Variants in TNFRSF21 observed in about 807,000 individuals in gnomAD.
TNFRSF21 encodes the protein tumor necrosis factor receptor superfamily member 21.
In TNFRSF21, 19 loss-of-function variants were observed where a neutral mutation model predicts 45.6. The ratio of observed to expected loss-of-function variants is 0.42; its 90% CI spans 0.29 to 0.61. The LOEUF (loss-of-function observed/expected upper bound fraction) is 0.61, where lower values mean the gene tolerates loss of function less well. TNFRSF21 is among the 20% of genes least tolerant of loss of function. The pLI, the probability that TNFRSF21 is intolerant of heterozygous loss-of-function variation, is 0.23. For missense variants in TNFRSF21, 737 were observed against 851.5 expected, an observed-to-expected ratio of 0.87 and a Z score of 1.67; for synonymous variants, 314 against 335.5, an observed-to-expected ratio of 0.94 and a Z score of 0.70.
In TNFRSF21 at chr6:47,279,649, A is replaced by AT. The variant is rs562786680; in HGVS notation, c.1243+4288dup. ...TGGACCCTCCCCCTCCACTTACCCCATTACATTGAGGTTATACAACAAAAA... is the reference window on the plus strand; with the variant it reads ...TGGACCCTCCCCCTCCACTTACCCCATTTACATTGAGGTTATACAACAAAAA... On this transcript the variant is annotated intron_variant, in intron 3 of 5. Coordinates refer to ENST00000296861, the MANE Select transcript of TNFRSF21 (RefSeq NM_014452.5). 4.3e-4 allele frequency among the ~76,000 whole-genome samples: 66 copies of AT among 152,304 alleles called. No individual in the cohort carries two copies. In the Middle Eastern group the frequency reaches 0.02, roughly 47 times the overall value.
At chr6:47,235,094 A>G (rs1236358873) in intron 4 of TNFRSF21, among the ~76,000 whole-genome samples, 196 bp from the exon 5 acceptor site, 1 of 152,140 alleles carries the variant, frequency 6.6e-6, no homozygotes, top group Non-Finnish European at 1.5e-5. Context: ...TACAGTGAGG[A>G]TATGCATGAG....
chr6:47,237,107 T>C (rs992186165), intron 4 of TNFRSF21, among the ~76,000 whole-genome samples: 2 of 152,076 alleles, frequency 1.3e-5, no homozygotes, highest in Non-Finnish European at 1.5e-5. Context: ...AATATGAAAA[T>C]GCCCCTACAA....
chr6:47,262,944 A>G (rs550207923), intron 3 of TNFRSF21, among the ~76,000 whole-genome samples: 63 of 152,338 alleles, frequency 4.1e-4, no homozygotes, highest in Non-Finnish European at 7.2e-4. Flanking sequence ...ACATTTAAAC[A>G]GTATCATTCC....
Position 47,297,554 on chromosome 6 carries a change from G to A in TNFRSF21, c.97-10959C>T, listed in dbSNP as rs369515265. Among the ~76,000 whole-genome samples, 18 of 124,326 alleles carry A rather than the reference G, an allele frequency of 1.4e-4. No individual in the cohort carries two copies. In the South Asian group the frequency reaches 3.4e-3, roughly 23 times the overall value. 81.6% of individuals were successfully genotyped at this position (124,326 alleles called of 152,430 possible). On this transcript the variant is annotated intron_variant, in intron 1 of 5. Transcript: ENST00000296861. ...TTTGAGTTTTTTGAGACGAAGTCTC[G>A]CTCTGTCACCCAGGCTGGATTGCAG...
chr6:47,251,220 C>T (rs1764897427), intron 4 of TNFRSF21, among the ~76,000 whole-genome samples: 1 of 152,148 alleles, frequency 6.6e-6, no homozygotes, highest in Admixed American at 6.5e-5. Context: ...CAAAACGCTG[C>T]TAGACATTGA....
chr6:47,273,465 T>C (rs1471248583), intron 3 of TNFRSF21, among the ~76,000 whole-genome samples: 2 of 152,110 alleles, frequency 1.3e-5, no homozygotes, highest in Non-Finnish European at 2.9e-5. Flanking sequence ...TCAACAGCGC[T>C]TCATGCTAAA....
At chr6:47,254,847 A>C (rs1055208595) in intron 3 of TNFRSF21, among the ~76,000 whole-genome samples, 1 of 152,358 alleles carries the variant, frequency 6.6e-6, no homozygotes, top group African/African-American at 2.4e-5. Context: ...CTCACTGAAC[A>C]TCTTTATAAG....
intron 3 of TNFRSF21, among the ~76,000 whole-genome samples, chr6:47,255,114 A>T (rs1407479470): frequency 6.6e-6 from 1 of 152,218 alleles, no homozygotes; most frequent in African/African-American, 2.4e-5. Context: ...TCAATATATT[A>T]TCATCCTGGC....
chr6:47,273,228 C>A (rs1219487295), intron 3 of TNFRSF21, among the ~76,000 whole-genome samples: 1 of 152,184 alleles, frequency 6.6e-6, no homozygotes, highest in Non-Finnish European at 1.5e-5. Context: ...GAATTTTAGA[C>A]CAATATCCCT....
intron 3 of TNFRSF21, among the ~76,000 whole-genome samples, chr6:47,256,414 C>T (rs1396904263): frequency 2.6e-5 from 4 of 152,174 alleles, no homozygotes; most frequent in Non-Finnish European, 5.9e-5. Flanking sequence ...TTCCCAGCTA[C>T]TTGGGAGACT....
At chr6:47,236,111 AG>A (rs1394809925) in intron 4 of TNFRSF21, among the ~76,000 whole-genome samples, 1 of 152,214 alleles carries the variant, frequency 6.6e-6, no homozygotes, top group Non-Finnish European at 1.5e-5. Flanking sequence ...CGGCCCAAAG[AG>A]GGCACACAGC....
At chr6:47,292,708 G>A (rs1358788042) in intron 1 of TNFRSF21, among the ~76,000 whole-genome samples, 1 of 152,106 alleles carries the variant, frequency 6.6e-6, no homozygotes, top group East Asian at 1.9e-4. Context: ...CTAACAATTA[G>A]GAACTATAAA....
At chr6:47,257,188 T>C (rs562173279) in intron 3 of TNFRSF21, among the ~76,000 whole-genome samples, 16 of 151,994 alleles carry the variant, frequency 1.1e-4, no homozygotes, top group Admixed American at 1.3e-4. Context: ...AACCCAGTAC[T>C]GTATTTATCC....
chr6:47,294,399 T>C (rs984259069), intron 1 of TNFRSF21, among the ~76,000 whole-genome samples: 2 of 152,136 alleles, frequency 1.3e-5, no homozygotes, highest in Non-Finnish European at 2.9e-5. Context: ...GCCTCAGCCT[T>C]CCAAAGTGCT....
chr6:47,292,924 T>G (rs924332291), intron 1 of TNFRSF21, among the ~76,000 whole-genome samples: 1 of 152,266 alleles, frequency 6.6e-6, no homozygotes, highest in Non-Finnish European at 1.5e-5. Flanking sequence ...CATAGCGTTC[T>G]GTGATTTGCT....
intron 4 of TNFRSF21, among the ~76,000 whole-genome samples, chr6:47,245,448 G>T (rs1410117659): frequency 1.5e-5 from 2 of 129,378 alleles, no homozygotes; most frequent in Admixed American, 1.5e-4. Context: ...GTGTGTGTGT[G>T]TGTGTGTGTT....
intron 3 of TNFRSF21, among the ~76,000 whole-genome samples, chr6:47,279,420 G>C (rs1008799398): frequency 6.6e-6 from 1 of 152,158 alleles, no homozygotes; most frequent in Non-Finnish European, 1.5e-5. Context: ...ATAGCTCTAA[G>C]GAAATGAACA....
At position 47,286,276 on chromosome 6, in the gene TNFRSF21, T is replaced by C; in HGVS notation, c.416A>G (p.Gln139Arg). The C allele has an allele frequency of 6.2e-7, 1 of 1,614,194 alleles. No individual in the cohort carries two copies. Among genetic ancestry groups the C allele is most frequent in the East Asian group, 2.2e-5 (1 of 44,886 alleles). ...RECTCPPGMF[Q>R]SNATCAPHTV... The stretch of plus-strand genomic sequence containing the variant: ...ATGGGGGGCACAGGTAGCGTTAGAC[T>C]GGAACATGCCAGGTGGGCAAGTGCA... The change falls in exon 2 of 6, where the codon CAG becomes CGG. Residue 139 changes from glutamine to arginine, a missense_variant. Coordinates refer to ENST00000296861, the MANE Select transcript of TNFRSF21 (RefSeq NM_014452.5).
chr6:47,309,294 G>C, intron 1 of TNFRSF21, 122 bp downstream of exon 1: 1 of 1,368,920 alleles, frequency 7.3e-7, no homozygotes, highest in Non-Finnish European at 9.5e-7. Context: ...CTCAGTGCCC[G>C]TAACCCAGTC....
Sources: allele counts gnomAD v4.1 joint callset (sites outside exome capture counted in the v4.1 genomes callset), GRCh38; gene constraint gnomAD v4.1.1; transcripts MANE v1.5; gene names NCBI Gene and HGNC (gene_info 2026-07-23, HGNC 2026-07-21).